Variants in PIK3R3 observed in about 807,000 individuals in gnomAD.
PIK3R3 encodes the protein phosphoinositide-3-kinase regulatory subunit 3.
PIK3R3 carries 64 observed loss-of-function variants against 62.9 expected under a neutral mutation model. That is an observed-to-expected ratio of 1.02 (90% CI 0.83 to 1.25). The LOEUF is 1.25. PIK3R3 is among the 50% of genes most tolerant of loss of function. PIK3R3 has a pLI of 0.00. For missense variants in PIK3R3, 614 were observed against 561.6 expected (o/e 1.09, Z -0.94); for synonymous variants, 165 against 189.0 (o/e 0.87, Z 1.04).
At chr1:46,105,799 T>C (rs568677273) in intron 1 of PIK3R3, among the ~76,000 whole-genome samples, 81 of 151,610 alleles carry the variant, frequency 5.3e-4, no homozygotes, top group African/African-American at 2.0e-3. Flanking sequence ...GAGCCAAGAT[T>C]GCGCCACTTC....
chr1:46,080,547 C>G, intron 2 of PIK3R3, 95 bp downstream of exon 2: 1 of 805,116 alleles, frequency 1.2e-6, no homozygotes, highest in South Asian at 1.6e-5. Context: ...AGGCATGAGC[C>G]ACCATGCCCA....
At chr1:46,160,789 G>T in the PIK3R3 span, among the ~76,000 whole-genome samples, 1 of 152,298 alleles carries the variant, frequency 6.6e-6, no homozygotes, top group Non-Finnish European at 1.5e-5. Context: ...GTCATGATTG[G>T]CCAAGATAGG....
chr1:46,131,931 T>G lies in PIK3R3; in HGVS notation c.22A>C (p.Met8Leu). The G allele has an allele frequency of 6.2e-7, 1 of 1,613,948 alleles. No homozygotes were observed. Among genetic ancestry groups the G allele is most frequent in the Non-Finnish European group, 8.5e-7 (1 of 1,179,914 alleles). ...CTCCAGTCTGCGTCATCGCGGTCCATACTCCACACCGTATTGTACATCGCG... is the reference window on the plus strand; with the variant it reads ...CTCCAGTCTGCGTCATCGCGGTCCAGACTCCACACCGTATTGTACATCGCG... MYNTVWS[M>L]DRDDADWREV... Residue 8 changes from methionine to leucine, a missense_variant, in exon 1 of 10, where the codon ATG (methionine) becomes CTG (leucine). Met to Leu is a conservative substitution (Grantham distance 15). Transcript: ENST00000262741.
chr1:46,112,147 T>C (rs1653796441), intron 1 of PIK3R3, among the ~76,000 whole-genome samples: 1 of 152,236 alleles, frequency 6.6e-6, no homozygotes, highest in South Asian at 2.1e-4. Flanking sequence ...TTCAGGTTCC[T>C]ATAATCCTAA....
the PIK3R3 span, among the ~76,000 whole-genome samples, chr1:46,168,710 A>G: frequency 4.6e-5 from 7 of 152,214 alleles, no homozygotes; most frequent in African/African-American, 7.2e-5. Context: ...TCTGGTGTCA[A>G]CACATCATGA....
chr1:46,081,274 G>A (rs1475455424), intron 1 of PIK3R3, among the ~76,000 whole-genome samples: 1 of 152,132 alleles, frequency 6.6e-6, no homozygotes, highest in Non-Finnish European at 1.5e-5. Flanking sequence ...GAATTTCAAT[G>A]TATATAAACA....
the PIK3R3 span, among the ~76,000 whole-genome samples, chr1:46,166,001 C>T: frequency 6.6e-6 from 1 of 151,330 alleles, no homozygotes. Flanking sequence ...GTCTCGATCT[C>T]CTGACCTCGT....
intron 7 of PIK3R3, among the ~76,000 whole-genome samples, chr1:46,054,240 A>G (rs1286442612): frequency 6.6e-6 from 1 of 151,838 alleles, no homozygotes; most frequent in Non-Finnish European, 1.5e-5. Context: ...CTAAAAATAC[A>G]AAAATTAGCT....
Position 46,077,627 on chromosome 1 carries a change from T to C in PIK3R3, c.216-14A>G. 1 of 1,544,818 alleles carries C rather than the reference T, an allele frequency of 6.5e-7. No homozygotes were observed. ...TTTACCTCCTCCCTGAAGAACAGAA[T>C]TATAAGAAAAATGAAAAAATGTCAA... On this transcript the variant is annotated splice_polypyrimidine_tract_variant and intron_variant, in intron 2 of 9. Transcript: ENST00000262741.
intron 5 of PIK3R3, among the ~76,000 whole-genome samples, chr1:46,062,363 G>T (rs145180436): frequency 6.6e-6 from 1 of 151,596 alleles, no homozygotes; most frequent in African/African-American, 2.4e-5. Context: ...ATCACTTGAG[G>T]TCAGGAGTTC....
the PIK3R3 span, among the ~76,000 whole-genome samples, chr1:46,147,674 C>G: frequency 6.6e-6 from 1 of 152,122 alleles, no homozygotes. Flanking sequence ...ATCCGCCCAC[C>G]TTGGCCTCCC....
chr1:46,133,152 C>T, upstream of PIK3R3: 1 of 375,420 alleles, frequency 2.7e-6, no homozygotes, highest in Non-Finnish European at 3.7e-6. Flanking sequence ...GGTAAGGCGG[C>T]GATTGGTCAG....
intron 1 of PIK3R3, chr1:46,104,940 A>C (rs1308041472): frequency 1.5e-5 from 8 of 532,198 alleles, no homozygotes; most frequent in South Asian, 6.2e-5. Context: ...AAAAAAAAAA[A>C]AAAAAAAAAA....
rs866927502 is a variant in PIK3R3, at chr1:46,043,723, C to A, written c.1336G>T (p.Val446Phe). The change falls in exon 10 of 10, where the codon GTC becomes TTC. Residue 446 changes from valine (V) to phenylalanine (F), a missense_variant. Coordinates refer to ENST00000262741, the MANE Select transcript of PIK3R3 (RefSeq NM_003629.4). ...GCATGAACAGGGTAGGCAAGCCTGA[C>A]GTTGAGGGAGTCGTTGTGCTGAACC... The part of the protein sequence containing the change: ...SLVQHNDSLN[V>F]RLAYPVHAQM... 6.2e-7 allele frequency: 1 copy of A among 1,614,076 alleles called. No homozygotes were observed. The highest frequency in any genetic ancestry group is 8.5e-7 in the Non-Finnish European group (1 of 1,180,040).
At chr1:46,045,897 A>G in intron 9 of PIK3R3, 21 bp downstream of exon 9, 3 of 1,594,928 alleles carry the variant, frequency 1.9e-6, no homozygotes, top group Non-Finnish European at 2.6e-6. Context: ...TCAAAAGGTT[A>G]TATCCCCAGA....
At chr1:46,146,886 C>T in the PIK3R3 span, among the ~76,000 whole-genome samples, 9 of 152,298 alleles carry the variant, frequency 5.9e-5, no homozygotes, top group South Asian at 1.7e-3. Context: ...CCTGCTAGAC[C>T]TGCCTCAGAG....
chr1:46,132,638 GC>G (rs1203685327), upstream of PIK3R3: 8 of 1,289,736 alleles, frequency 6.2e-6, no homozygotes, highest in East Asian at 4.4e-4. Context: ...CCGGACTCCA[GC>G]CACTAGAGTT....
Position 46,046,641 on chromosome 1 carries a change from C to T in PIK3R3, c.942-16G>A. ...ATTGAGCCATCTGCCAGAGGAAAGA[C>T]ACCAGTGTCAGTATCCATGCAAACT... is the stretch of plus-strand genomic sequence containing the variant. On this transcript the variant is annotated splice_polypyrimidine_tract_variant and intron_variant, in intron 7 of 9. Coordinates refer to ENST00000262741, the MANE Select transcript of PIK3R3 (RefSeq NM_003629.4). 2 of 1,582,756 alleles carry T rather than the reference C, an allele frequency of 1.3e-6. No homozygotes were observed. Among genetic ancestry groups the T allele is most frequent in the South Asian group, 1.1e-5 (1 of 90,434 alleles).
chr1:46,060,787 G>A (rs1161927946), intron 6 of PIK3R3, among the ~76,000 whole-genome samples: 1 of 152,148 alleles, frequency 6.6e-6, no homozygotes, highest in Non-Finnish European at 1.5e-5. Flanking sequence ...GCCTCACAGT[G>A]CTTAGCTCTA....
Sources: allele counts gnomAD v4.1 joint callset (sites outside exome capture counted in the v4.1 genomes callset), GRCh38; gene constraint gnomAD v4.1.1; transcripts MANE v1.5; gene names NCBI Gene and HGNC (gene_info 2026-07-23, HGNC 2026-07-21).